TXLNB: variants seen among roughly 807,000 people sequenced by gnomAD.
The protein encoded by TXLNB is taxilin beta.
Under a neutral mutation model 57.4 loss-of-function variants are expected in TXLNB, and 37 were observed. The ratio of observed to expected loss-of-function variants is 0.64; its 90% CI spans 0.50 to 0.85. The LOEUF (loss-of-function observed/expected upper bound fraction) is 0.85. Among genes scored for constraint, TXLNB ranks in the 40% least tolerant of loss-of-function variants. TXLNB has a pLI of 0.00. For missense variants in TXLNB, 848 were observed against 825.6 expected, an observed-to-expected ratio of 1.03 and a Z score of -0.33; for synonymous variants, 302 against 309.6, an observed-to-expected ratio of 0.98 and a Z score of 0.26.
chr6:139,212,522 A>T, the TXLNB span, among the ~76,000 whole-genome samples: 5,071 of 151,978 alleles, frequency 0.033, 275 homozygotes, highest in African/African-American at 0.11. Context: ...CACTGCAAAA[A>T]CATGCCAAAT....
chr6:139,226,434 G>T, the TXLNB span, among the ~76,000 whole-genome samples: 1 of 150,698 alleles, frequency 6.6e-6, no homozygotes, highest in African/African-American at 2.4e-5. Context: ...GTCAAAAAAG[G>T]TAAAAGATTG....
At chr6:139,210,687 GCCTCA>G in the TXLNB span, among the ~76,000 whole-genome samples, 1 of 152,236 alleles carries the variant, frequency 6.6e-6, no homozygotes, top group Non-Finnish European at 1.5e-5. Flanking sequence ...GCGAGGCATC[GCCTCA>G]CCCGGGAAGT....
chr6:139,180,998 A>G, the TXLNB span, among the ~76,000 whole-genome samples: 3 of 152,234 alleles, frequency 2.0e-5, no homozygotes, highest in Non-Finnish European at 4.4e-5. Flanking sequence ...TATCACATGT[A>G]AACTCACTTT....
At chr6:139,161,934 C>G in the TXLNB span, among the ~76,000 whole-genome samples, 1 of 152,248 alleles carries the variant, frequency 6.6e-6, no homozygotes, top group Non-Finnish European at 1.5e-5. Context: ...TTTCAAACCA[C>G]TCTTCTACTT....
chr6:139,219,682 G>A, the TXLNB span, among the ~76,000 whole-genome samples: 1 of 152,212 alleles, frequency 6.6e-6, no homozygotes, highest in Non-Finnish European at 1.5e-5. Context: ...GCAGCTGGGA[G>A]GCTGAGACGG....
At chr6:139,243,451 A>C in intron 9 of TXLNB, 137 bp from the exon 10 acceptor site, 1 of 743,830 alleles carries the variant, frequency 1.3e-6, no homozygotes, top group Non-Finnish European at 2.1e-6. Flanking sequence ...CTGGCTACAG[A>C]GTAGGGGCTG....
chr6:139,251,728 T>C (rs1268119471), intron 7 of TXLNB: 1 of 152,240 alleles, frequency 6.6e-6, no homozygotes, highest in African/African-American at 2.4e-5. Flanking sequence ...CACAGTCTTT[T>C]CACTGAGCAC....
chr6:139,242,277 G>A lies in TXLNB; in HGVS notation c.*249C>T, dbSNP rs1331158495. 1.4e-5 allele frequency: 5 copies of A among 353,078 alleles called. No homozygotes were observed. Among genetic ancestry groups the A allele is most frequent in the Non-Finnish European group, 2.5e-5 (5 of 198,400 alleles). The allele number at this position is 353,078 out of a possible 1,614,324, so 21.9% of individuals were successfully genotyped here. A position where few individuals can be genotyped will look rare whatever the true frequency, so the allele number is the denominator to read the frequency against. Reference sequence around the variant, plus strand: ...GAAAAGGAATATAAATTTGCTATCTGTATGTTTTGTTGCCCTTTGGGAAAA... The same window carrying A: ...GAAAAGGAATATAAATTTGCTATCTATATGTTTTGTTGCCCTTTGGGAAAA... On this transcript the variant is annotated 3_prime_UTR_variant, in exon 10 of 10. Transcript: ENST00000358430.
chr6:139,296,956 GCTTTA>G (rs752756409), upstream of TXLNB, among the ~76,000 whole-genome samples: 3 of 152,182 alleles, frequency 2.0e-5, no homozygotes, highest in Non-Finnish European at 4.4e-5. Context: ...GTAGTCTCCT[GCTTTA>G]CTGCCAATTT....
chr6:139,186,135 A>G, the TXLNB span, among the ~76,000 whole-genome samples: 1 of 152,360 alleles, frequency 6.6e-6, no homozygotes, highest in East Asian at 1.9e-4. Flanking sequence ...TGATATCCAT[A>G]TGCAAAAATA....
chr6:139,257,108 G>A (rs949436069), intron 6 of TXLNB, among the ~76,000 whole-genome samples: 6 of 152,174 alleles, frequency 3.9e-5, no homozygotes, highest in Non-Finnish European at 8.8e-5. Flanking sequence ...TCTGATTAGA[G>A]TTCAGAGGGT....
At chr6:139,231,907 G>A in the TXLNB span, among the ~76,000 whole-genome samples, 2 of 152,152 alleles carry the variant, frequency 1.3e-5, no homozygotes, top group African/African-American at 4.8e-5. Context: ...ATAACTTGTT[G>A]ATAAGAATGT....
the TXLNB span, chr6:139,180,109 T>G: frequency 6.6e-6 from 1 of 152,200 alleles, no homozygotes; most frequent in Non-Finnish European, 1.5e-5. Flanking sequence ...GTTGGGGAGT[T>G]GGGTGAATTA....
intron 2 of TXLNB, among the ~76,000 whole-genome samples, chr6:139,284,762 C>A (rs58816951): frequency 0.022 from 3,208 of 145,414 alleles, 420 homozygotes; most frequent in African/African-American, 0.076. Flanking sequence ...GCAATTGATT[C>A]TAATAAACAG....
the TXLNB span, chr6:139,178,684 C>T: frequency 4.6e-5 from 7 of 152,124 alleles, no homozygotes; most frequent in East Asian, 1.9e-4. Context: ...AAGCGATTCT[C>T]CTGTCCCAGC....
At chr6:139,167,414 AC>A in the TXLNB span, 2 of 1,122,820 alleles carry the variant, frequency 1.8e-6, no homozygotes, top group South Asian at 1.5e-5. Context: ...TGTAGTTTTC[AC>A]CAGTGTTGTT....
intron 2 of TXLNB, among the ~76,000 whole-genome samples, chr6:139,278,012 G>A (rs1213239568): frequency 6.6e-6 from 1 of 152,184 alleles, no homozygotes; most frequent in African/African-American, 2.4e-5. Context: ...ACTAAAAAAT[G>A]ATTCGTTGTT....
At chr6:139,232,848 G>A in the TXLNB span, among the ~76,000 whole-genome samples, 2 of 152,170 alleles carry the variant, frequency 1.3e-5, no homozygotes, top group Middle Eastern at 3.4e-3. Context: ...TTTTTCCTGA[G>A]TTGGTCTCTT....
the TXLNB span, among the ~76,000 whole-genome samples, chr6:139,310,276 A>G: frequency 6.6e-6 from 1 of 152,238 alleles, no homozygotes; most frequent in Non-Finnish European, 1.5e-5. Flanking sequence ...TTACAACTCA[A>G]TAGCAGAAAA....
Sources: allele counts gnomAD v4.1 joint callset (sites outside exome capture counted in the v4.1 genomes callset), GRCh38; gene constraint gnomAD v4.1.1; transcripts MANE v1.5; gene names NCBI Gene and HGNC (gene_info 2026-07-23, HGNC 2026-07-21).